The following CHKA variants were observed in gnomAD, a reference collection of about 807,000 sequenced individuals.
The protein encoded by CHKA is CHETK-alpha.
CHKA carries 34 observed loss-of-function variants against 60.1 expected under a neutral mutation model. The ratio of observed to expected loss-of-function variants is 0.57; its 90% confidence interval spans 0.43 to 0.75. The LOEUF is 0.75. Among genes scored for constraint, CHKA ranks in the 30% least tolerant of loss-of-function variants. CHKA has a pLI of 0.00. For missense variants in CHKA, 563 were observed against 561.3 expected, an observed-to-expected ratio of 1.00 and a Z score of -0.03; for synonymous variants, 217 against 223.1, an observed-to-expected ratio of 0.97 and a Z score of 0.24.
chr11:68,106,138 T>C (rs1857906433), intron 1 of CHKA, among the ~76,000 whole-genome samples: 3 of 152,210 alleles, frequency 2.0e-5, no homozygotes, highest in African/African-American at 4.8e-5. Flanking sequence ...ATTGCAGCTA[T>C]GGCTCAGGTG....
chr11:68,083,664 T>C (rs563620730), intron 2 of CHKA, among the ~76,000 whole-genome samples: 16 of 152,226 alleles, frequency 1.1e-4, no homozygotes, highest in African/African-American at 3.9e-4. Flanking sequence ...CTTTCCTTTT[T>C]TTAAACATAT....
intron 1 of CHKA, among the ~76,000 whole-genome samples, chr11:68,120,203 T>TG (rs1352472784): frequency 2.1e-5 from 3 of 143,480 alleles, no homozygotes; most frequent in Non-Finnish European, 4.5e-5. Flanking sequence ...CACTCCAGCC[T>TG]GGGGACCAAG....
intron 2 of CHKA, among the ~76,000 whole-genome samples, chr11:68,083,866 G>A (rs1459665403): frequency 6.6e-6 from 1 of 152,144 alleles, no homozygotes; most frequent in Non-Finnish European, 1.5e-5. Context: ...TAAATAAGAA[G>A]TGTAAGACGA....
At chr11:68,120,312 G>A (rs1461911181) in intron 1 of CHKA, among the ~76,000 whole-genome samples, 9 of 151,986 alleles carry the variant, frequency 5.9e-5, no homozygotes, top group Non-Finnish European at 1.3e-4. Context: ...TAGTAACACA[G>A]CTATAGTGAT....
At chr11:68,054,248 C>T (rs1403897772) in intron 11 of CHKA, among the ~76,000 whole-genome samples, 2 of 152,196 alleles carry the variant, frequency 1.3e-5, no homozygotes, top group Non-Finnish European at 2.9e-5. Flanking sequence ...CCAGCCCACC[C>T]CACACACCTT....
At chr11:68,068,631 TG>T (rs1856519361) in intron 7 of CHKA, among the ~76,000 whole-genome samples, 1 of 152,164 alleles carries the variant, frequency 6.6e-6, no homozygotes, top group African/African-American at 2.4e-5. Context: ...TTGCCCAGGC[TG>T]GTCTAGAACT....
chr11:68,108,012 T>C (rs1857979844), intron 1 of CHKA, among the ~76,000 whole-genome samples: 2 of 152,114 alleles, frequency 1.3e-5, no homozygotes, highest in Non-Finnish European at 2.9e-5. Flanking sequence ...TCCCTGCCAC[T>C]GACAGAGAAT....
At chr11:68,055,843 G>C (rs1348982343) in intron 11 of CHKA, among the ~76,000 whole-genome samples, 1 of 151,382 alleles carries the variant, frequency 6.6e-6, no homozygotes. Context: ...TCAGGAGTTC[G>C]AGACCAGCCT....
chr11:68,066,664 G>C (rs1565174729), intron 7 of CHKA, 148 bp from the exon 8 acceptor site: 1 of 655,506 alleles, frequency 1.5e-6, no homozygotes, highest in East Asian at 2.7e-5. Context: ...GGCCTAGACA[G>C]AGCGTAGAAG....
At chr11:68,062,296 C>T (rs1856278436) in intron 10 of CHKA, among the ~76,000 whole-genome samples, 1 of 152,220 alleles carries the variant, frequency 6.6e-6, no homozygotes, top group African/African-American at 2.4e-5. Context: ...CACGTAAATG[C>T]CACTTGGCCA....
In CHKA at chr11:68,061,774, C is replaced by T. The variant is rs542667750; in HGVS notation, c.1314+179G>A. The T allele has an allele frequency of 4.1e-5, 27 of 650,744 alleles. No individual in the cohort carries two copies. The East Asian group carries it at 4.2e-4, about 10-fold the overall frequency. The allele number at this position is 650,744 out of a possible 1,614,324, so 40.3% of individuals were successfully genotyped here. ...GCATCAGTGACAGCGGCTTCTCCCC[C>T]GGCTTCCTGGGCTGAGCCACACTGT... is the stretch of plus-strand genomic sequence containing the variant. On this transcript the variant is annotated intron_variant, in intron 11 of 11. Coordinates refer to ENST00000265689, the MANE Select transcript of CHKA (RefSeq NM_001277.3).
At chr11:68,083,162 A>G (rs1407115095) in intron 2 of CHKA, among the ~76,000 whole-genome samples, 1 of 152,054 alleles carries the variant, frequency 6.6e-6, no homozygotes, top group Non-Finnish European at 1.5e-5. Context: ...TGCCCACTAC[A>G]CTTTTTAGGC....
chr11:68,077,965 GC>G (rs1194594232), intron 3 of CHKA, among the ~76,000 whole-genome samples: 1 of 152,160 alleles, frequency 6.6e-6, no homozygotes, highest in Non-Finnish European at 1.5e-5. Flanking sequence ...GCATGAGATT[GC>G]CGGGTGGACT....
chr11:68,114,580 C>A (rs1043615868), intron 1 of CHKA, among the ~76,000 whole-genome samples: 2 of 151,944 alleles, frequency 1.3e-5, no homozygotes, highest in Non-Finnish European at 2.9e-5. Flanking sequence ...GCCTGTAATT[C>A]CAGCTACTTG....
intron 1 of CHKA, among the ~76,000 whole-genome samples, chr11:68,114,330 T>G (rs1464176510): frequency 2.6e-5 from 4 of 152,138 alleles, no homozygotes; most frequent in African/African-American, 9.7e-5. Flanking sequence ...GATGAATGGA[T>G]AAATAAACTG....
At position 68,069,026 on chromosome 11, in the gene CHKA, G is replaced by A. The variant is rs1001963168; in HGVS notation, c.870-89C>T. 3.0e-5 allele frequency: 28 copies of A among 930,126 alleles called. 1 individual carries two copies. Among genetic ancestry groups the A allele is most frequent in the South Asian group, 1.9e-4 (14 of 72,522 alleles). 57.6% of individuals were successfully genotyped at this position (930,126 alleles called of 1,614,324 possible). A position where few individuals can be genotyped will look rare whatever the true frequency, so the allele number is the denominator to read the frequency against. On this transcript the variant is annotated intron_variant, in intron 6 of 11. Transcript: ENST00000265689. ...TCTCCACATGGCCAGCACCAAATTC[G>A]TGCTCCAAAGCAACACACAGTTTCA...
At chr11:68,118,803 C>T (rs559916657) in intron 1 of CHKA, among the ~76,000 whole-genome samples, 9 of 152,326 alleles carry the variant, frequency 5.9e-5, no homozygotes, top group African/African-American at 2.2e-4. Flanking sequence ...AAGACATCCT[C>T]AATGCTTTCC....
chr11:68,065,979 G>T, intron 8 of CHKA, 85 bp from the exon 9 acceptor site: 1 of 952,444 alleles, frequency 1.0e-6, no homozygotes, highest in Non-Finnish European at 1.6e-6. Context: ...GAAAGGCTGA[G>T]TTCCGAGCAC....
At chr11:68,054,478 A>G (rs777724924) in intron 11 of CHKA, among the ~76,000 whole-genome samples, 2 of 152,044 alleles carry the variant, frequency 1.3e-5, no homozygotes, top group African/African-American at 2.4e-5. Context: ...CCCATCGCCT[A>G]TTTCCCGGGA....
Sources: allele counts gnomAD v4.1 joint callset (sites outside exome capture counted in the v4.1 genomes callset), GRCh38; gene constraint gnomAD v4.1.1; transcripts MANE v1.5; gene names NCBI Gene and HGNC (gene_info 2026-07-23, HGNC 2026-07-21).